Variants in GPR26 observed in about 807,000 individuals in gnomAD.
GPR26 encodes G protein-coupled receptor 26.
A neutral mutation model predicts 23.1 loss-of-function variants in GPR26; 15 were observed. That is an observed-to-expected ratio of 0.65 (90% CI 0.43 to 1.00). The LOEUF (loss-of-function observed/expected upper bound fraction) is 1.00, where lower values mean the gene tolerates loss of function less well. Among genes scored for constraint, GPR26 ranks in the 50% least tolerant of loss-of-function variants. The pLI is 0.00. For missense variants in GPR26, 359 were observed against 470.5 expected, an observed-to-expected ratio of 0.76 and a Z score of 2.19; for synonymous variants, 228 against 222.1, an observed-to-expected ratio of 1.03 and a Z score of -0.24.
chr10:123,682,569 A>C (rs1259773569), intron 2 of GPR26, among the ~76,000 whole-genome samples: 1 of 152,206 alleles, frequency 6.6e-6, no homozygotes. Flanking sequence ...TCTCATCCAA[A>C]AGCTCAAATG....
intron 1 of GPR26, among the ~76,000 whole-genome samples, chr10:123,668,052 G>C (rs939639453): frequency 2.0e-5 from 3 of 152,168 alleles, no homozygotes; most frequent in African/African-American, 7.2e-5. Flanking sequence ...ATAAGGGGGT[G>C]CTGGGGTCCA....
chr10:123,675,459 C>T (rs764974786), intron 2 of GPR26, among the ~76,000 whole-genome samples: 4 of 152,158 alleles, frequency 2.6e-5, no homozygotes, highest in Non-Finnish European at 4.4e-5. Context: ...GGCTCTTCCA[C>T]TGTTAGGCCA....
In GPR26 at chr10:123,696,673, T is replaced by G. The variant is rs1258669442; in HGVS notation, c.*8513T>G. Reference sequence around the variant, plus strand: ...GCTTCTGTACAATGTTGCAATCCCTTAATGTCAGACTCTTAGGAAAATGGG... The same window carrying G: ...GCTTCTGTACAATGTTGCAATCCCTGAATGTCAGACTCTTAGGAAAATGGG... On this transcript the variant is annotated 3_prime_UTR_variant, in exon 3 of 3. Coordinates refer to ENST00000284674, the MANE Select transcript of GPR26 (RefSeq NM_153442.4). 2.6e-5 allele frequency among the ~76,000 whole-genome samples: 4 copies of G among 152,216 alleles called. No homozygotes were observed. Among genetic ancestry groups the G allele is most frequent in the African/African-American group, 9.6e-5 (4 of 41,458 alleles).
intron 2 of GPR26, among the ~76,000 whole-genome samples, chr10:123,677,063 C>A (rs551132525): frequency 6.6e-6 from 1 of 152,194 alleles, no homozygotes; most frequent in Non-Finnish European, 1.5e-5. Flanking sequence ...TCCCAGAAGC[C>A]GGACAGCCGT....
chr10:123,689,704 C>T lies in GPR26; in HGVS notation c.*1544C>T, dbSNP rs1228816758. ...ATTGGTTTTTACTTCTAGGCAGTCCCAATTTTTAAAGGCAGAGAAGTATCT... is the reference window on the plus strand; with the variant it reads ...ATTGGTTTTTACTTCTAGGCAGTCCTAATTTTTAAAGGCAGAGAAGTATCT... On this transcript the variant is annotated 3_prime_UTR_variant, in exon 3 of 3. Transcript: ENST00000284674. 1.3e-5 allele frequency: 2 copies of T among 152,134 alleles called. No homozygotes were observed. Among genetic ancestry groups the T allele is most frequent in the African/African-American group, 4.8e-5 (2 of 41,430 alleles). 9.4% of individuals were successfully genotyped at this position (152,134 alleles called of 1,614,324 possible). A position where few individuals can be genotyped will look rare whatever the true frequency, so the allele number is the denominator to read the frequency against.
In GPR26 at chr10:123,677,531, C is replaced by T. The variant is rs371071051; in HGVS notation, c.782+2600C>T. On this transcript the variant is annotated intron_variant, in intron 2 of 2. Coordinates refer to ENST00000284674, the MANE Select transcript of GPR26 (RefSeq NM_153442.4). ...ATGAGCACACACCCACATTCCAGGCCAGCACATCTCTAGAGCACCTTTTCT... is the reference window on the plus strand; with the variant it reads ...ATGAGCACACACCCACATTCCAGGCTAGCACATCTCTAGAGCACCTTTTCT... Among the ~76,000 whole-genome samples the T allele has an allele frequency of 7.2e-5, 11 of 152,316 alleles. No homozygotes were observed. The South Asian group carries it at 2.3e-3, about 32-fold the overall frequency.
intron 2 of GPR26, among the ~76,000 whole-genome samples, chr10:123,675,833 C>CGAGTGTGTGTGTGTGTGTGT (rs1845302700): frequency 7.5e-6 from 1 of 134,096 alleles, no homozygotes; most frequent in Non-Finnish European, 1.6e-5. Flanking sequence ...TGTGTGTGTA[C>CGAGTGTGTGTGTGTGTGTGT]GTGTGTGTGT....
At position 123,674,370 on chromosome 10, in the gene GPR26, G is replaced by A. The variant is rs950511516; in HGVS notation, c.669-448G>A. Among the ~76,000 whole-genome samples, 1 of 152,234 alleles carries A rather than the reference G, an allele frequency of 6.6e-6. No individual in the cohort carries two copies. The highest frequency in any genetic ancestry group is 1.5e-5 in the Non-Finnish European group (1 of 68,042). ...AGAAGAATCTGAGATACTACTTAGA[G>A]AGTGGGGCACTCTGGAGCCAGCCCA... On this transcript the variant is annotated intron_variant, in intron 1 of 2. Coordinates refer to ENST00000284674, the MANE Select transcript of GPR26 (RefSeq NM_153442.4). This position sits in a 1 kb window ranked among gnomAD's most constrained non-coding sequence, Gnocchi z 4.1.
intron 2 of GPR26, among the ~76,000 whole-genome samples, chr10:123,675,825 T>TAC (rs1320109345): frequency 3.2e-5 from 4 of 123,746 alleles, no homozygotes; most frequent in African/African-American, 1.0e-4. Context: ...TGTACGTGTG[T>TAC]GTGTGTACGT....
chr10:123,685,377 G>A (rs575009197), intron 2 of GPR26, among the ~76,000 whole-genome samples: 2 of 152,292 alleles, frequency 1.3e-5, no homozygotes, highest in South Asian at 4.1e-4. Flanking sequence ...AGGAGCTGGG[G>A]GCTGTCAGAG....
rs75786392 is a variant in GPR26, at chr10:123,684,633, C to T, written c.783-3296C>T. On this transcript the variant is annotated intron_variant, in intron 2 of 2. Transcript: ENST00000284674. ...TGGTTTGCTGGCCATTTTTGGATTCCTTGGCTTGCAGATGTCTCACTCTGA... is the reference window on the plus strand; with the variant it reads ...TGGTTTGCTGGCCATTTTTGGATTCTTTGGCTTGCAGATGTCTCACTCTGA... Among the ~76,000 whole-genome samples, 759 of 152,282 alleles carry T rather than the reference C, an allele frequency of 5.0e-3. 15 individuals are homozygous for T. The highest frequency in any genetic ancestry group is 0.034 in the East Asian group (177 of 5,182).
intron 2 of GPR26, among the ~76,000 whole-genome samples, chr10:123,675,276 A>T (rs1845291567): frequency 6.6e-6 from 1 of 151,884 alleles, no homozygotes; most frequent in African/African-American, 2.4e-5. Flanking sequence ...TCTTCCCCAA[A>T]ACCCAGCTCC....
chr10:123,687,598 C>T (rs1027718632), intron 2 of GPR26, among the ~76,000 whole-genome samples: 9 of 152,166 alleles, frequency 5.9e-5, no homozygotes, highest in African/African-American at 2.2e-4. Flanking sequence ...TTTACAATTA[C>T]TGGCCATGTG....
chr10:123,676,640 A>G (rs1438258277), intron 2 of GPR26, among the ~76,000 whole-genome samples: 1 of 152,204 alleles, frequency 6.6e-6, no homozygotes, highest in Admixed American at 6.5e-5. Context: ...AGCTTACATC[A>G]TTCAGGGTTT....
chr10:123,691,256 AC>A lies in GPR26; in HGVS notation c.*3098del, dbSNP rs1316698348. The A allele has an allele frequency of 6.8e-6, 1 of 147,078 alleles. No homozygotes were observed. Among genetic ancestry groups the A allele is most frequent in the African/African-American group, 2.4e-5 (1 of 41,062 alleles). 9.1% of individuals were successfully genotyped at this position (147,078 alleles called of 1,614,324 possible). On this transcript the variant is annotated 3_prime_UTR_variant, in exon 3 of 3. Coordinates refer to ENST00000284674, the MANE Select transcript of GPR26 (RefSeq NM_153442.4). ...GCCTCTCAAAGATGGCTCACCAATC[AC>A]CTGCCTGTTTTTACTTAGAAAGCAG...
chr10:123,670,468 T>C (rs1053107752), intron 1 of GPR26, among the ~76,000 whole-genome samples: 2 of 152,244 alleles, frequency 1.3e-5, no homozygotes, highest in Non-Finnish European at 2.9e-5. Context: ...ACTTAGATGT[T>C]CTATATTCAG....
At position 123,674,185 on chromosome 10, in the gene GPR26, C is replaced by T. The variant is rs572408076; in HGVS notation, c.669-633C>T. On this transcript the variant is annotated intron_variant, in intron 1 of 2. Transcript: ENST00000284674. This position sits in a 1 kb window ranked among gnomAD's most constrained non-coding sequence, Gnocchi z 4.1. Reference sequence around the variant, plus strand: ...GTTGGCCAGGCTGGTCTCAAACTCCCGACCTCAGGTGATCCACCCACTTCG... The same window carrying T: ...GTTGGCCAGGCTGGTCTCAAACTCCTGACCTCAGGTGATCCACCCACTTCG... Among the ~76,000 whole-genome samples, 64 of 152,226 alleles carry T rather than the reference C, an allele frequency of 4.2e-4. No individual in the cohort carries two copies. Among genetic ancestry groups the T allele is most frequent in the African/African-American group, 1.5e-3 (63 of 41,540 alleles).
intron 2 of GPR26, among the ~76,000 whole-genome samples, chr10:123,675,855 T>TGTGTGTGTGTGTGTGTGA (rs1564731129): frequency 1.4e-5 from 2 of 147,628 alleles, no homozygotes; most frequent in Non-Finnish European, 3.0e-5. Context: ...TGTGTGTGTG[T>TGTGTGTGTGTGTGTGTGA]AAGAGAGAGA....
chr10:123,666,380 C>A lies in GPR26; in HGVS notation c.-28C>A, dbSNP rs757954337. 2 of 1,344,422 alleles carry A rather than the reference C, an allele frequency of 1.5e-6. No homozygotes were observed. Among genetic ancestry groups the A allele is most frequent in the Non-Finnish European group, 1.9e-6 (2 of 1,053,770 alleles). The allele number at this position is 1,344,422 out of a possible 1,614,324, so 83.3% of individuals were successfully genotyped here. A position where few individuals can be genotyped will look rare whatever the true frequency, so the allele number is the denominator to read the frequency against. On this transcript the variant is annotated 5_prime_UTR_variant, in exon 1 of 3. Coordinates refer to ENST00000284674, the MANE Select transcript of GPR26 (RefSeq NM_153442.4). ...CGCCATGGCGGCGCCGGGTTGCGGA[C>A]CCTGAGCGCCGGCGCGGGGCGCGCA...
Sources: allele counts gnomAD v4.1 joint callset (sites outside exome capture counted in the v4.1 genomes callset), GRCh38; gene constraint gnomAD v4.1.1; non-coding constraint Gnocchi (gnomAD v3.1); transcripts MANE v1.5; gene names NCBI Gene and HGNC (gene_info 2026-07-23, HGNC 2026-07-21).